EYS: variants seen among roughly 807,000 people sequenced by gnomAD.
The protein encoded by EYS is protein eyes shut homolog.
A neutral mutation model predicts 282.1 loss-of-function variants in EYS; 250 were observed. The observed-to-expected ratio is 0.89, with a 90% CI of 0.80 to 0.98. The LOEUF is 0.98. EYS is among the 50% of genes least tolerant of loss of function. The probability of loss-of-function intolerance (pLI) is 0.00; values close to 1 mark genes in which losing one functional copy is unlikely to be tolerated. For synonymous variants in EYS, 1,355 were observed against 1,282.9 expected, an observed-to-expected ratio of 1.06 and a Z score of -1.20; for missense variants, 4,016 against 3,709.0, an observed-to-expected ratio of 1.08 and a Z score of -2.15.
intron 31 of EYS, among the ~76,000 whole-genome samples, chr6:64,228,992 G>T (rs1766334460): frequency 1.3e-5 from 2 of 152,194 alleles, no homozygotes; most frequent in Non-Finnish European, 2.9e-5. Flanking sequence ...ATTAAAATAG[G>T]CCAGTCACAG....
chr6:63,865,408 C>T (rs1459395274), intron 35 of EYS, among the ~76,000 whole-genome samples: 1 of 152,014 alleles, frequency 6.6e-6, no homozygotes. Context: ...ATTTTTAAAG[C>T]CAGTTTGATT....
At chr6:64,692,828 C>T (rs544731066) in intron 22 of EYS, among the ~76,000 whole-genome samples, 8 of 151,982 alleles carry the variant, frequency 5.3e-5, no homozygotes, top group Admixed American at 6.6e-5. Context: ...TCTGAGTTTT[C>T]TATTCTTTTC....
intron 12 of EYS, among the ~76,000 whole-genome samples, chr6:65,259,999 C>T (rs1052461028): frequency 3.9e-5 from 6 of 151,964 alleles, no homozygotes; most frequent in African/African-American, 1.2e-4. Context: ...CTATAAAGAA[C>T]GGCCTGAGAC....
intron 2 of EYS, among the ~76,000 whole-genome samples, chr6:65,554,516 C>T (rs1390783077): frequency 1.3e-5 from 2 of 152,066 alleles, no homozygotes; most frequent in Admixed American, 1.3e-4. Flanking sequence ...TATATGTTCA[C>T]TCTATTACAG....
At chr6:63,809,384 A>T (rs1770983517) in intron 36 of EYS, among the ~76,000 whole-genome samples, 1 of 152,236 alleles carries the variant, frequency 6.6e-6, no homozygotes, top group African/African-American at 2.4e-5. Flanking sequence ...TTCTGGAAGG[A>T]TCAGTCATCA....
intron 13 of EYS, among the ~76,000 whole-genome samples, chr6:65,029,342 T>C (rs1428168265): frequency 6.6e-6 from 1 of 152,136 alleles, no homozygotes; most frequent in African/African-American, 2.4e-5. Context: ...TATGTATATA[T>C]TTATGTCTAT....
chr6:64,748,868 G>T (rs1219048476), intron 22 of EYS, among the ~76,000 whole-genome samples: 1 of 152,216 alleles, frequency 6.6e-6, no homozygotes, highest in Non-Finnish European at 1.5e-5. Flanking sequence ...CACCTCCCAG[G>T]TTCAAGCAAT....
At chr6:65,247,282 T>C (rs900532817) in intron 12 of EYS, among the ~76,000 whole-genome samples, 1 of 152,036 alleles carries the variant, frequency 6.6e-6, no homozygotes, top group Non-Finnish European at 1.5e-5. Context: ...GTGTCTTTCC[T>C]TCCAGATATC....
At chr6:64,026,849 C>T (rs1385949344) in intron 33 of EYS, among the ~76,000 whole-genome samples, 4 of 152,148 alleles carry the variant, frequency 2.6e-5, no homozygotes, top group Non-Finnish European at 1.5e-5. Flanking sequence ...TTTGGCCCAA[C>T]CCGGGTACAT....
At chr6:65,351,558 TC>T (rs1179099027) in intron 9 of EYS, among the ~76,000 whole-genome samples, 1 of 151,772 alleles carries the variant, frequency 6.6e-6, no homozygotes, top group Non-Finnish European at 1.5e-5. Context: ...CAAAAATACT[TC>T]TGCCATTTCA....
chr6:65,216,763 C>T (rs1766324592), intron 12 of EYS, among the ~76,000 whole-genome samples: 1 of 151,666 alleles, frequency 6.6e-6, no homozygotes, highest in South Asian at 2.1e-4. Context: ...TTATAATTTA[C>T]TTGGCTTGCA....
chr6:65,607,784 GA>G (rs1346684064), intron 2 of EYS, among the ~76,000 whole-genome samples: 1 of 151,666 alleles, frequency 6.6e-6, no homozygotes, highest in Non-Finnish European at 1.5e-5. Context: ...TCTCCTTTCA[GA>G]ATTGATATTC....
intron 30 of EYS, among the ~76,000 whole-genome samples, chr6:64,296,577 TATATATACATATA>T (rs1769015756): frequency 3.6e-4 from 3 of 8,292 alleles, no homozygotes; most frequent in African/African-American, 9.9e-4. Context: ...TATATATATA[TATATATACATATA>T]TATATATATT....
chr6:65,356,434 A>C (rs1764489993), intron 8 of EYS, among the ~76,000 whole-genome samples: 1 of 152,026 alleles, frequency 6.6e-6, no homozygotes, highest in Non-Finnish European at 1.5e-5. Context: ...TGAGCTGATA[A>C]GGAGCAATGA....
At chr6:65,690,324 T>C (rs1202381305) in intron 1 of EYS, among the ~76,000 whole-genome samples, 2 of 149,916 alleles carry the variant, frequency 1.3e-5, no homozygotes, top group African/African-American at 4.9e-5. Context: ...GCCTTAACCC[T>C]AAACAGACCT....
At chr6:65,138,448 A>G (rs1047716815) in intron 12 of EYS, among the ~76,000 whole-genome samples, 15 of 152,046 alleles carry the variant, frequency 9.9e-5, no homozygotes, top group African/African-American at 3.4e-4. Context: ...AAGAGTGTAT[A>G]TTTGGTTCCA....
intron 19 of EYS, among the ~76,000 whole-genome samples, chr6:64,850,458 T>C (rs1205264552): frequency 6.6e-6 from 1 of 151,936 alleles, no homozygotes; most frequent in Non-Finnish European, 1.5e-5. Flanking sequence ...AAGAAGTAAC[T>C]TGAAATGAGA....
intron 9 of EYS, among the ~76,000 whole-genome samples, chr6:65,351,485 A>G (rs1010937110): frequency 6.6e-6 from 1 of 151,728 alleles, no homozygotes; most frequent in Non-Finnish European, 1.5e-5. Context: ...AGTTGACTAT[A>G]TTTGCTCAAA....
chr6:63,795,588 A>C (rs2149674010), intron 37 of EYS, among the ~76,000 whole-genome samples: 1 of 152,256 alleles, frequency 6.6e-6, no homozygotes, highest in East Asian at 1.9e-4. Context: ...AATTATAGTT[A>C]AGCTTATGGT....
Sources: gnomAD v4.1 joint callset for allele counts (sites outside exome capture counted in the v4.1 genomes callset) on GRCh38, gnomAD v4.1.1 for gene constraint, MANE v1.5 for transcripts, NCBI Gene and HGNC (gene_info 2026-07-23, HGNC 2026-07-21) for gene names.